Variants in ABCA13 observed in about 807,000 individuals in gnomAD.
ABCA13 encodes the protein ATP-binding cassette sub-family A member 13.
A neutral mutation model predicts 478.7 loss-of-function variants in ABCA13; 476 were observed. That is an observed-to-expected ratio of 0.99 (90% CI 0.92 to 1.07). The LOEUF (loss-of-function observed/expected upper bound fraction) is 1.07, where lower values mean the gene tolerates loss of function less well. Among genes scored for constraint, ABCA13 ranks in the 50% least tolerant of loss-of-function variants. The pLI is 0.00. For synonymous variants in ABCA13, 2,252 were observed against 2,158.9 expected (o/e 1.04, Z -1.20); for missense variants, 6,060 against 5,910.6 (o/e 1.03, Z -0.83).
Position 48,227,415 on chromosome 7 carries a change from A to C in ABCA13, c.622A>C (p.Thr208Pro). Reference protein sequence around the residue: ...GMDVAVNLLQTILNSLISLED... With the variant: ...GMDVAVNLLQPILNSLISLED... ...GGATGTTGCAGTGAACCTTCTCCAG[A>C]CCATTTTGAAGTGAGTGAAAAAGAA... The change falls in exon 6 of 62, where the codon ACC becomes CCC. Residue 208 changes from threonine (T) to proline (P), a missense_variant. Physicochemically the swap from Thr to Pro is conservative, Grantham distance 38. Around this residue, in one of 3 missense-constraint regions of ABCA13, gnomAD observed 4,423 missense variants for 4,309.1 expected, o/e 1.03. Coordinates refer to ENST00000435803, the MANE Select transcript of ABCA13 (RefSeq NM_152701.5). 2 of 1,613,920 alleles carry C rather than the reference A, an allele frequency of 1.2e-6. No homozygotes were observed. The highest frequency in any genetic ancestry group is 1.7e-6 in the Non-Finnish European group (2 of 1,179,852).
chr7:48,627,140 TA>T, intron 59 of ABCA13: 1 of 767,742 alleles, frequency 1.3e-6, no homozygotes, highest in Middle Eastern at 6.7e-4. Flanking sequence ...ACGTAATGGC[TA>T]TTATTGTACC....
At chr7:48,485,356 T>C (rs1163729322) in intron 47 of ABCA13, among the ~76,000 whole-genome samples, 1 of 152,176 alleles carries the variant, frequency 6.6e-6, no homozygotes, top group Non-Finnish European at 1.5e-5. Context: ...TTATTGGACT[T>C]TATCACTTCG....
intron 55 of ABCA13, among the ~76,000 whole-genome samples, chr7:48,550,108 T>A (rs1785172276): frequency 6.6e-6 from 1 of 151,854 alleles, no homozygotes; most frequent in African/African-American, 2.4e-5. Context: ...TGCCATTGCT[T>A]TTGGTGTTTT....
chr7:48,381,851 G>C (rs1814439377), intron 35 of ABCA13, among the ~76,000 whole-genome samples: 3 of 152,190 alleles, frequency 2.0e-5, no homozygotes, highest in African/African-American at 7.2e-5. Context: ...AATGTGAGCA[G>C]GTTGTATGTG....
intron 20 of ABCA13, among the ~76,000 whole-genome samples, chr7:48,294,435 T>TGTTTG (rs1183577810): frequency 1.1e-5 from 1 of 94,266 alleles, no homozygotes; most frequent in African/African-American, 3.6e-5. Context: ...GTTTTTTTTT[T>TGTTTG]TTTTTTGTTT....
rs750960467 is a variant in ABCA13, at chr7:48,335,464, T to C, written c.10042T>C (p.Ser3348Pro). The C allele has an allele frequency of 6.2e-7, 1 of 1,613,456 alleles. No individual in the cohort carries two copies. The highest frequency in any genetic ancestry group is 8.5e-7 in the Non-Finnish European group (1 of 1,179,578). Residue 3348 changes from serine (S) to proline (P), a missense_variant, in exon 28 of 62, where the codon TCA (serine) becomes CCA (proline). Ser to Pro is a moderately conservative substitution (Grantham distance 74). This residue lies in a region of ABCA13 where 4,423 missense variants were observed against 4,309.1 expected (regional missense o/e 1.03). Transcript: ENST00000435803. The part of the protein sequence containing the change: ...FYIVDKLKTL[S>P]ETLLEMSSLF... ...TATTGTGGACAAACTAAAAACTTTA[T>C]CAGAAACACTGCTGGAAATGTCCAG...
At position 48,310,090 on chromosome 7, in the gene ABCA13, T is replaced by G. The variant is rs1176303246; in HGVS notation, c.9465T>G (p.Ser3155=). 3 of 1,613,648 alleles carry G rather than the reference T, an allele frequency of 1.9e-6. No individual in the cohort carries two copies. Among genetic ancestry groups the G allele is most frequent in the Non-Finnish European group, 2.5e-6 (3 of 1,179,720 alleles). Reference sequence around the variant, plus strand: ...GCCTGCCAGGGTCAAAAGTGTATTCTCTGATTGTGTTGCTGAGTCGAAACT... The same window carrying G: ...GCCTGCCAGGGTCAAAAGTGTATTCGCTGATTGTGTTGCTGAGTCGAAACT... ...LCSLPGSKVY[S]LIVLLSRNLD... is the part of the protein sequence containing the mutation. Residue 3155 remains serine, a synonymous_variant, in exon 24 of 62, where the codon TCT becomes TCG. Transcript: ENST00000435803.
chr7:48,426,579 C>G (rs1223071175), intron 41 of ABCA13, among the ~76,000 whole-genome samples: 1 of 152,102 alleles, frequency 6.6e-6, no homozygotes, highest in Non-Finnish European at 1.5e-5. Flanking sequence ...GTGGGAGGTA[C>G]CAGCTGGATG....
rs139647094 is a variant in ABCA13, at chr7:48,421,861, C to T, written c.12460-5905C>T. Among the ~76,000 whole-genome samples the T allele has an allele frequency of 3.1e-3, 470 of 152,100 alleles. 5 individuals carry two copies. Among genetic ancestry groups the T allele is most frequent in the African/African-American group, 0.01 (429 of 41,518 alleles). ...GTTTCCTCTTGCCTTATTTGTACCG[C>T]CCTTCACTGATAATGAGAAACTCGA... On this transcript the variant is annotated intron_variant, in intron 41 of 61. Coordinates refer to ENST00000435803, the MANE Select transcript of ABCA13 (RefSeq NM_152701.5).
At chr7:48,265,093 T>C (rs1197990261) in intron 15 of ABCA13, among the ~76,000 whole-genome samples, 2 of 151,744 alleles carry the variant, frequency 1.3e-5, no homozygotes, top group African/African-American at 4.8e-5. Flanking sequence ...AAAGTAGTTG[T>C]ATAAATAAGT....
intron 38 of ABCA13, among the ~76,000 whole-genome samples, chr7:48,400,766 C>T (rs1296049988): frequency 6.6e-6 from 1 of 152,206 alleles, no homozygotes; most frequent in Non-Finnish European, 1.5e-5. Flanking sequence ...CTGACCCTGG[C>T]CAATGCCTCA....
At chr7:48,456,917 G>A (rs1264375084) in intron 43 of ABCA13, among the ~76,000 whole-genome samples, 2 of 151,920 alleles carry the variant, frequency 1.3e-5, no homozygotes, top group Admixed American at 6.6e-5. Flanking sequence ...GAATTTTGGG[G>A]GGCAAAGGCA....
chr7:48,349,616 A>G (rs540689711), intron 29 of ABCA13, among the ~76,000 whole-genome samples: 45 of 152,288 alleles, frequency 3.0e-4, no homozygotes, highest in Middle Eastern at 3.4e-3. Flanking sequence ...TTAATCCAGA[A>G]ACCTTGGAAG....
intron 42 of ABCA13, among the ~76,000 whole-genome samples, chr7:48,451,191 T>A (rs1362664449): frequency 9.2e-5 from 14 of 151,978 alleles, no homozygotes. Flanking sequence ...AGACACAGGG[T>A]TTCACCATGT....
At chr7:48,248,076 T>G (rs574498012) in intron 13 of ABCA13, among the ~76,000 whole-genome samples, 163 bp from the exon 14 acceptor site, 18 of 152,334 alleles carry the variant, frequency 1.2e-4, no homozygotes, top group Non-Finnish European at 2.2e-4. Context: ...AAGATTCAAG[T>G]CTAGAACTAT....
chr7:48,401,988 T>C (rs1817677493), intron 38 of ABCA13, among the ~76,000 whole-genome samples: 1 of 152,192 alleles, frequency 6.6e-6, no homozygotes, highest in Non-Finnish European at 1.5e-5. Flanking sequence ...TCCCTTTTGC[T>C]TACATCTTGT....
At position 48,611,744 on chromosome 7, in the gene ABCA13, A is replaced by G. The variant is rs551307100; in HGVS notation, c.14745-3541A>G. On this transcript the variant is annotated intron_variant, in intron 58 of 61. Transcript: ENST00000435803. ...CCAACACAGGTGATCACAATTTGAT[A>G]TGAGATTTTGGTGGGGACACCAACA... 3.3e-5 allele frequency among the ~76,000 whole-genome samples: 5 copies of G among 152,308 alleles called. No homozygotes were observed. The South Asian group carries it at 8.3e-4, about 25-fold the overall frequency.
rs150968868 is a variant in ABCA13 at position 48,538,969 on chromosome 7, A to T, written c.14354+10624A>T. 3.3e-5 allele frequency among the ~76,000 whole-genome samples: 5 copies of T among 152,316 alleles called. No individual in the cohort carries two copies. In the East Asian group the frequency reaches 9.7e-4, roughly 29 times the overall value. ...TGACTGCATACTGATGATGGAATTT[A>T]ATATGTTCATTTGTTCTGTTTCTTG... On this transcript the variant is annotated intron_variant, in intron 55 of 61. Transcript: ENST00000435803.
At chr7:48,206,686 C>A (rs7776850) in intron 3 of ABCA13, among the ~76,000 whole-genome samples, 3 of 151,596 alleles carry the variant, frequency 2.0e-5, no homozygotes, top group African/African-American at 7.3e-5. Context: ...TTTTATATAT[C>A]TCTGAGGTAT....
Sources: gnomAD v4.1 joint callset for allele counts (sites outside exome capture counted in the v4.1 genomes callset) on GRCh38, gnomAD v4.1.1 for gene constraint, gnomAD v4.1.1 regional missense constraint, MANE v1.5 for transcripts, NCBI Gene and HGNC (gene_info 2026-07-23, HGNC 2026-07-21) for gene names.